The following ST3GAL3 variants were observed in gnomAD, a reference collection of about 807,000 sequenced individuals.
ST3GAL3 encodes the protein ST3 beta-galactoside alpha-2,3-sialyltransferase 3.
ST3GAL3 carries 21 observed loss-of-function variants against 50.1 expected under a neutral mutation model. The observed-to-expected ratio is 0.42, with a 90% CI of 0.30 to 0.60. ST3GAL3 has a LOEUF of 0.60. ST3GAL3 is among the 20% of genes least tolerant of loss of function. The pLI is 0.19. For synonymous variants in ST3GAL3, 183 were observed against 190.0 expected, an observed-to-expected ratio of 0.96 and a Z score of 0.30; for missense variants, 353 against 489.4, an observed-to-expected ratio of 0.72 and a Z score of 2.63.
intron 3 of ST3GAL3, among the ~76,000 whole-genome samples, chr1:43,793,671 C>T (rs2058353281): frequency 6.6e-6 from 1 of 152,168 alleles, no homozygotes; most frequent in Admixed American, 6.5e-5. Flanking sequence ...AGTGGACAGA[C>T]AGAAAGAGTT....
At chr1:43,762,268 A>AG (rs1335047690) in intron 2 of ST3GAL3, among the ~76,000 whole-genome samples, 1 of 151,556 alleles carries the variant, frequency 6.6e-6, no homozygotes, top group East Asian at 1.9e-4. Context: ...TCATTAAAAA[A>AG]AAAAAAAAAA....
At chr1:43,831,190 T>C (rs1206043055) in intron 4 of ST3GAL3, among the ~76,000 whole-genome samples, 1 of 152,210 alleles carries the variant, frequency 6.6e-6, no homozygotes. Context: ...CTTTACATCA[T>C]AGAAAGTAGG....
intron 1 of ST3GAL3, among the ~76,000 whole-genome samples, chr1:43,729,608 G>A (rs1336512603): frequency 6.6e-6 from 1 of 152,072 alleles, no homozygotes; most frequent in Admixed American, 6.6e-5. Context: ...TTTCACCCCA[G>A]GCATGTGTGA....
At chr1:43,855,461 T>G (rs1031424935) in intron 5 of ST3GAL3, among the ~76,000 whole-genome samples, 15 of 151,852 alleles carry the variant, frequency 9.9e-5, no homozygotes, top group Admixed American at 6.6e-5. Flanking sequence ...AATACAGAAA[T>G]TAGCCAGTCA....
intron 2 of ST3GAL3, among the ~76,000 whole-genome samples, chr1:43,752,068 T>C (rs985839707): frequency 3.9e-5 from 6 of 152,128 alleles, no homozygotes; most frequent in Non-Finnish European, 7.4e-5. Flanking sequence ...CCTCCTGCCT[T>C]GGCCTCCCTA....
At chr1:43,808,239 G>A (rs958165042) in intron 3 of ST3GAL3, among the ~76,000 whole-genome samples, 3 of 151,520 alleles carry the variant, frequency 2.0e-5, no homozygotes, top group African/African-American at 7.3e-5. Flanking sequence ...GGGAGGTGGC[G>A]GTTGCAGTGA....
intron 9 of ST3GAL3, among the ~76,000 whole-genome samples, chr1:43,905,208 T>TCCC (rs2079091466): frequency 1.6e-5 from 1 of 62,792 alleles, no homozygotes; most frequent in Admixed American, 2.3e-4. Context: ...TTCCTCCCCC[T>TCCC]CCTCCTGTTC....
intron 1 of ST3GAL3, among the ~76,000 whole-genome samples, chr1:43,708,449 T>A (rs1365627053): frequency 6.6e-6 from 1 of 152,138 alleles, no homozygotes; most frequent in Non-Finnish European, 1.5e-5. Context: ...AACTTTTCAG[T>A]GGATGTACTG....
intron 4 of ST3GAL3, among the ~76,000 whole-genome samples, chr1:43,822,967 T>A (rs373962546): frequency 1.3e-5 from 2 of 152,166 alleles, no homozygotes; most frequent in East Asian, 1.9e-4. Flanking sequence ...ATCCTTCCAA[T>A]TGCTCACATC....
At chr1:43,843,134 G>A (rs985403677) in intron 5 of ST3GAL3, among the ~76,000 whole-genome samples, 1 of 152,244 alleles carries the variant, frequency 6.6e-6, no homozygotes, top group Non-Finnish European at 1.5e-5. Context: ...TAGGTGAGGT[G>A]AGAGTGAACA....
At chr1:43,730,462 A>G (rs144290456) in intron 1 of ST3GAL3, among the ~76,000 whole-genome samples, 21 of 151,856 alleles carry the variant, frequency 1.4e-4, no homozygotes, top group African/African-American at 4.8e-4. Context: ...TTAAATTTTT[A>G]GTTGTTCTCA....
intron 5 of ST3GAL3, among the ~76,000 whole-genome samples, chr1:43,857,582 C>CCTT (rs1558605475): frequency 0.019 from 1,811 of 93,738 alleles, 137 homozygotes; most frequent in East Asian, 0.037. Context: ...TTTCCTTCCT[C>CCTT]CCTCCCTTCC....
chr1:43,744,991 A>G (rs1388186546), intron 2 of ST3GAL3, among the ~76,000 whole-genome samples: 1 of 129,590 alleles, frequency 7.7e-6, no homozygotes, highest in Non-Finnish European at 1.8e-5. Flanking sequence ...ACTGTGTTTG[A>G]AAAAAAAGAA....
At chr1:43,884,301 C>T (rs966250056) in intron 5 of ST3GAL3, among the ~76,000 whole-genome samples, 4 of 152,344 alleles carry the variant, frequency 2.6e-5, no homozygotes, top group East Asian at 1.9e-4. Context: ...ATGATGCCCA[C>T]CTGCTCTTAA....
intron 2 of ST3GAL3, among the ~76,000 whole-genome samples, chr1:43,747,779 C>T (rs1684418779): frequency 6.6e-6 from 1 of 151,924 alleles, no homozygotes; most frequent in South Asian, 2.1e-4. Flanking sequence ...CAGGGTTTCA[C>T]CATGTTGGCC....
chr1:43,879,954 G>A (rs936645954), intron 5 of ST3GAL3, among the ~76,000 whole-genome samples: 2 of 152,194 alleles, frequency 1.3e-5, no homozygotes, highest in Admixed American at 6.5e-5. Context: ...CTGCCTTGGC[G>A]ACACACAAAC....
intron 2 of ST3GAL3, among the ~76,000 whole-genome samples, chr1:43,787,131 C>T (rs1488751374): frequency 3.9e-5 from 6 of 152,206 alleles, no homozygotes; most frequent in African/African-American, 1.2e-4. Flanking sequence ...TTCTAGGTTT[C>T]CTCATTGAAC....
At chr1:43,801,369 G>T (rs1309494568) in intron 3 of ST3GAL3, 1 of 456,252 alleles carries the variant, frequency 2.2e-6, no homozygotes, top group Non-Finnish European at 4.4e-6. Context: ...CCAGTAGCAT[G>T]TTAGGCTCAT....
At chr1:43,848,650 C>T (rs1387012701) in intron 5 of ST3GAL3, among the ~76,000 whole-genome samples, 1 of 152,094 alleles carries the variant, frequency 6.6e-6, no homozygotes, top group African/African-American at 2.4e-5. Context: ...TTTAACTCCT[C>T]AGATCTGTAG....
Sources: allele counts gnomAD v4.1 joint callset (sites outside exome capture counted in the v4.1 genomes callset), GRCh38; gene constraint gnomAD v4.1.1; transcripts MANE v1.5; gene names NCBI Gene and HGNC (gene_info 2026-07-23, HGNC 2026-07-21).